The following HEBP2 variants were observed in gnomAD, a reference collection of about 807,000 sequenced individuals.
HEBP2 encodes heme-binding protein 2.
HEBP2 carries 27 observed loss-of-function variants against 23.1 expected under a neutral mutation model. The ratio of observed to expected loss-of-function variants is 1.17; its 90% confidence interval spans 0.86 to 1.61. The LOEUF is 1.61. Ranked by LOEUF, HEBP2 falls within the 40% of genes most tolerant of loss-of-function variation. The pLI is 0.00. For synonymous variants in HEBP2, 99 were observed against 95.1 expected (o/e 1.04, Z -0.24); for missense variants, 245 against 253.8 (o/e 0.97, Z 0.24).
At chr6:138,412,136 T>C (rs1443555829) in intron 3 of HEBP2, 8 of 425,756 alleles carry the variant, frequency 1.9e-5, no homozygotes, top group Non-Finnish European at 3.3e-5. Flanking sequence ...AAAAGGGGCT[T>C]CTACAGGGGT....
intron 2 of HEBP2, 85 bp downstream of exon 2, chr6:138,405,365 C>G (rs113421806): frequency 4.0e-6 from 6 of 1,514,346 alleles, no homozygotes; most frequent in Non-Finnish European, 4.5e-6. Flanking sequence ...AAAGAAATAT[C>G]CTTTATAATG....
At chr6:138,403,683 G>A (rs941161317), upstream of HEBP2, 5 of 417,268 alleles carry the variant, frequency 1.2e-5, no homozygotes, top group African/African-American at 2.1e-5. Context: ...ACCCCACTCG[G>A]CTCGGGAAAG....
chr6:138,405,830 C>T (rs944675716), intron 2 of HEBP2, 141 bp from the exon 3 acceptor site: 2 of 709,318 alleles, frequency 2.8e-6, no homozygotes, highest in Non-Finnish European at 4.5e-6. Flanking sequence ...TTTGGCCTTA[C>T]TGTTTTAAGA....
Position 138,421,139 on chromosome 6 carries a change from A to C in HEBP2, c.*8061A>C, listed in dbSNP as rs1774922138. ...CAACAATCAGGTCCATGTTTCATTC[A>C]AATGACCCTCCATTCCCCCAACAAC... On this transcript the variant is annotated 3_prime_UTR_variant, in exon 4 of 4. Transcript: ENST00000607197. The C allele has an allele frequency of 1.3e-5, 2 of 152,202 alleles. No individual in the cohort carries two copies. Among genetic ancestry groups the C allele is most frequent in the African/African-American group, 4.8e-5 (2 of 41,450 alleles). 9.4% of individuals were successfully genotyped at this position (152,202 alleles called of 1,614,324 possible).
Position 138,418,207 on chromosome 6 carries a change from A to G in HEBP2, c.*5129A>G, listed in dbSNP as rs1774868590. The stretch of plus-strand genomic sequence containing the variant: ...AAGGGTAATCATTAGAAGTAGAACC[A>G]GAAGTGACAGATATGAAGAAATTAG... On this transcript the variant is annotated 3_prime_UTR_variant, in exon 4 of 4. Transcript: ENST00000607197. The G allele has an allele frequency of 6.6e-6, 1 of 152,274 alleles. No individual in the cohort carries two copies. The highest frequency in any genetic ancestry group is 2.1e-4 in the South Asian group (1 of 4,832). 9.4% of individuals were successfully genotyped at this position (152,274 alleles called of 1,614,324 possible). A position where few individuals can be genotyped will look rare whatever the true frequency, so the allele number is the denominator to read the frequency against.
In HEBP2 at chr6:138,404,281, G is replaced by C. The variant is rs1774591272; in HGVS notation, c.-215G>C. ...GCAACTCCGGCCGGAGCTGTCCGGGGTCGTGAGCCGGCCCCGCCTTGGTGG... is the reference window on the plus strand; with the variant it reads ...GCAACTCCGGCCGGAGCTGTCCGGGCTCGTGAGCCGGCCCCGCCTTGGTGG... On this transcript the variant is annotated 5_prime_UTR_variant, in exon 1 of 4. Coordinates refer to ENST00000607197, the MANE Select transcript of HEBP2 (RefSeq NM_014320.3). The C allele has an allele frequency of 6.0e-6, 2 of 333,400 alleles. No homozygotes were observed. Among genetic ancestry groups the C allele is most frequent in the Non-Finnish European group, 1.1e-5 (2 of 184,904 alleles). The allele number at this position is 333,400 out of a possible 1,614,324, so 20.7% of individuals were successfully genotyped here.
Position 138,413,923 on chromosome 6 carries a change from C to G in HEBP2, c.*845C>G, listed in dbSNP as rs2114775245. The G allele has an allele frequency of 6.6e-6, 1 of 152,318 alleles. No individual in the cohort carries two copies. The highest frequency in any genetic ancestry group is 2.1e-4 in the South Asian group (1 of 4,822). The allele number at this position is 152,318 out of a possible 1,614,324, so 9.4% of individuals were successfully genotyped here. A position where few individuals can be genotyped will look rare whatever the true frequency, so the allele number is the denominator to read the frequency against. On this transcript the variant is annotated 3_prime_UTR_variant, in exon 4 of 4. Coordinates refer to ENST00000607197, the MANE Select transcript of HEBP2 (RefSeq NM_014320.3). ...GAACACCACAGACAAGGCCCCTGGC[C>G]TCATGGAGTTTACATTCTAGAGGGT...
intron 3 of HEBP2, among the ~76,000 whole-genome samples, chr6:138,409,617 A>C (rs891477190): frequency 6.6e-6 from 1 of 152,176 alleles, no homozygotes; most frequent in African/African-American, 2.4e-5. Context: ...CCCTGCCACC[A>C]GTCTTTTCCT....
intron 3 of HEBP2, 75 bp from the exon 4 acceptor site, chr6:138,412,805 G>A (rs1018875371): frequency 6.2e-5 from 80 of 1,287,610 alleles, no homozygotes; most frequent in African/African-American, 2.4e-4. Context: ...CGGTACTAGC[G>A]CCCGCTTTTT....
At chr6:138,404,023 G>A (rs1420951223), upstream of HEBP2, among the ~76,000 whole-genome samples, 1 of 152,026 alleles carries the variant, frequency 6.6e-6, no homozygotes, top group Non-Finnish European at 1.5e-5. Flanking sequence ...GCGGTGCGCT[G>A]GGACACCCTC....
chr6:138,404,175 GGGGGC>G (rs1016596252), upstream of HEBP2: 8 of 251,042 alleles, frequency 3.2e-5, no homozygotes, highest in African/African-American at 1.4e-4. Flanking sequence ...AAGGCGGGGC[GGGGGC>G]GGAAGTGCCT....
At position 138,404,576 on chromosome 6, in the gene HEBP2, C is replaced by G. The variant is rs1304516229; in HGVS notation, c.81C>G (p.Ala27=). The part of the protein sequence containing the change: ...AQAVETPGWK[A]PEDAGPQPGS... ...CTGTGGAGACGCCGGGCTGGAAGGC[C>G]CCGGAGGACGCCGGCCCCCAGGTAG... Residue 27 remains alanine (A), a synonymous_variant, in exon 1 of 4, where the codon GCC becomes GCG. Coordinates refer to ENST00000607197, the MANE Select transcript of HEBP2 (RefSeq NM_014320.3). 3.1e-6 allele frequency: 4 copies of G among 1,301,870 alleles called. No homozygotes were observed. Among genetic ancestry groups the G allele is most frequent in the Non-Finnish European group, 3.9e-6 (4 of 1,026,136 alleles). 80.6% of individuals were successfully genotyped at this position (1,301,870 alleles called of 1,614,324 possible). A position where few individuals can be genotyped will look rare whatever the true frequency, so the allele number is the denominator to read the frequency against.
rs1489334437 is a variant in HEBP2, at chr6:138,413,168, G to T, written c.*90G>T. 2 of 961,212 alleles carry T rather than the reference G, an allele frequency of 2.1e-6. No individual in the cohort carries two copies. The highest frequency in any genetic ancestry group is 1.6e-6 in the Non-Finnish European group (1 of 620,030). The allele number at this position is 961,212 out of a possible 1,614,324, so 59.5% of individuals were successfully genotyped here. ...CCTATAAGTAAAGTGCGTGTCTAGT[G>T]TCTTCTATTGAGAGTACTACTATTA... On this transcript the variant is annotated 3_prime_UTR_variant, in exon 4 of 4. Coordinates refer to ENST00000607197, the MANE Select transcript of HEBP2 (RefSeq NM_014320.3).
intron 3 of HEBP2, among the ~76,000 whole-genome samples, chr6:138,409,057 C>T (rs1208450571): frequency 2.6e-5 from 4 of 151,814 alleles, no homozygotes; most frequent in African/African-American, 7.3e-5. Flanking sequence ...GACAGGGTCT[C>T]GCTCTGTTGT....
rs1172504879 is a variant in HEBP2, at chr6:138,417,891, T to G, written c.*4813T>G. ...TAGCCAGAGTAGAAATAACTCATAA[T>G]GCATGGGTCATCAGGTGGAGTCCTC... On this transcript the variant is annotated 3_prime_UTR_variant, in exon 4 of 4. Coordinates refer to ENST00000607197, the MANE Select transcript of HEBP2 (RefSeq NM_014320.3). 4 of 152,242 alleles carry G rather than the reference T, an allele frequency of 2.6e-5. No homozygotes were observed. The highest frequency in any genetic ancestry group is 5.9e-5 in the Non-Finnish European group (4 of 68,044). The allele number at this position is 152,242 out of a possible 1,614,324, so 9.4% of individuals were successfully genotyped here. A position where few individuals can be genotyped will look rare whatever the true frequency, so the allele number is the denominator to read the frequency against.
intron 3 of HEBP2, among the ~76,000 whole-genome samples, chr6:138,407,012 C>T (rs965873652): frequency 2.0e-5 from 3 of 152,184 alleles, no homozygotes; most frequent in Non-Finnish European, 4.4e-5. Context: ...GCCTGGGTGA[C>T]TGAGACCCTG....
Position 138,405,286 on chromosome 6 carries a change from A to G in HEBP2, c.238+6A>G. ...TCAAGGCAAAAACGAGAAAGGTAAA[A>G]GCAGTTTTCCTTGTAATTATGCATA... is the stretch of plus-strand genomic sequence containing the variant. On this transcript the variant is annotated splice_donor_region_variant and intron_variant, in intron 2 of 3. Transcript: ENST00000607197. The G allele has an allele frequency of 6.2e-7, 1 of 1,614,156 alleles. No homozygotes were observed. Among genetic ancestry groups the G allele is most frequent in the South Asian group, 1.1e-5 (1 of 91,070 alleles).
Position 138,406,008 on chromosome 6 carries a change from C to T in HEBP2, c.276C>T (p.Tyr92=), listed in dbSNP as rs371295316. ...KIKMTAPVTS[Y]VEPGSGPFSE... ...AGATGACAGCTCCAGTGACAAGCTA[C>T]GTGGAGCCTGGTTCAGGTCCTTTTA... The change falls in exon 3 of 4, where the codon TAC becomes TAT. Residue 92 remains tyrosine, a synonymous_variant. Transcript: ENST00000607197. 1.2e-4 allele frequency: 187 copies of T among 1,613,648 alleles called. No individual in the cohort carries two copies. The highest frequency in any genetic ancestry group is 3.3e-4 in the Admixed American group (20 of 59,950).
intron 2 of HEBP2, among the ~76,000 whole-genome samples, chr6:138,405,540 A>G (rs1774630028): frequency 2.0e-5 from 3 of 152,184 alleles, no homozygotes; most frequent in African/African-American, 7.2e-5. Flanking sequence ...TAACACCTCA[A>G]GATAATTTGG....
Sources: allele counts gnomAD v4.1 joint callset (sites outside exome capture counted in the v4.1 genomes callset), GRCh38; gene constraint gnomAD v4.1.1; transcripts MANE v1.5; gene names NCBI Gene and HGNC (gene_info 2026-07-23, HGNC 2026-07-21).